NRXN3: variants seen among roughly 807,000 people sequenced by gnomAD.
NRXN3 encodes neurexin III.
A neutral mutation model predicts 137.6 loss-of-function variants in NRXN3; 32 were observed. The observed-to-expected ratio is 0.23, with a 90% CI of 0.18 to 0.31. NRXN3 has a LOEUF of 0.31. Ranked by LOEUF, NRXN3 falls within the 10% of genes least tolerant of loss-of-function variation. The probability of loss-of-function intolerance (pLI) is 1.00; values close to 1 mark genes in which losing one functional copy is unlikely to be tolerated. For missense variants in NRXN3, 1,574 were observed against 2,062.5 expected (o/e 0.76, Z 4.59); for synonymous variants, 798 against 784.5 (o/e 1.02, Z -0.29).
chr14:78,259,129 C>CT (rs2070227116), intron 2 of NRXN3, among the ~76,000 whole-genome samples: 1 of 125,008 alleles, frequency 8.0e-6, no homozygotes, highest in Admixed American at 8.9e-5. Flanking sequence ...GAGACTCCAT[C>CT]TCAAAAAAAA....
intron 15 of NRXN3, among the ~76,000 whole-genome samples, chr14:79,300,905 A>C (rs6574504): frequency 0.024 from 3,725 of 152,078 alleles, 97 homozygotes; most frequent in South Asian, 0.081. Flanking sequence ...TTGGGAAATA[A>C]AGACTTTGCC....
chr14:79,324,578 T>C (rs1016696603), intron 15 of NRXN3, among the ~76,000 whole-genome samples: 1 of 152,134 alleles, frequency 6.6e-6, no homozygotes, highest in African/African-American at 2.4e-5. Context: ...TGTTTAGAGA[T>C]GAATTAGGAG....
chr14:78,654,009 G>A (rs2097767184), intron 6 of NRXN3, among the ~76,000 whole-genome samples: 1 of 152,212 alleles, frequency 6.6e-6, no homozygotes, highest in Non-Finnish European at 1.5e-5. Context: ...TGTTTTCCCT[G>A]TACAGCGTGA....
chr14:79,853,942 A>G (rs1054087942), intron 20 of NRXN3: 1 of 987,402 alleles, frequency 1.0e-6, no homozygotes, highest in Non-Finnish European at 1.2e-6. Flanking sequence ...GCCCTCCCAA[A>G]CCCCCCAAAG....
chr14:79,743,169 G>C (rs1000450089), intron 19 of NRXN3, among the ~76,000 whole-genome samples: 3 of 152,024 alleles, frequency 2.0e-5, no homozygotes, highest in Non-Finnish European at 4.4e-5. Flanking sequence ...CTATAATAAA[G>C]GTATTTTAAA....
At chr14:79,449,990 CAAAAAAAA>C (rs66658022) in intron 15 of NRXN3, among the ~76,000 whole-genome samples, 5 of 40,770 alleles carry the variant, frequency 1.2e-4, no homozygotes, top group Non-Finnish European at 1.8e-4. Flanking sequence ...AACTCCATCT[CAAAAAAAA>C]AAAAAAAAAA....
intron 1 of NRXN3, among the ~76,000 whole-genome samples, chr14:78,187,263 GTGTTTT>G: frequency 1.7e-5 from 2 of 116,208 alleles, no homozygotes. Flanking sequence ...TGGTGTGTGT[GTGTTTT>G]TTTTTTTTTT....
intron 10 of NRXN3, among the ~76,000 whole-genome samples, chr14:78,840,643 A>G (rs542182762): frequency 5.9e-5 from 9 of 152,164 alleles, no homozygotes; most frequent in African/African-American, 1.4e-4. Flanking sequence ...ACTATCCAGA[A>G]TGTTGCTCGT....
intron 1 of NRXN3, among the ~76,000 whole-genome samples, chr14:78,207,411 C>A (rs1393197801): frequency 6.6e-6 from 1 of 152,164 alleles, no homozygotes; most frequent in African/African-American, 2.4e-5. Flanking sequence ...CCAGTTGATA[C>A]CTCTAGCCTT....
At chr14:79,076,591 A>G (rs1252276441) in intron 15 of NRXN3, among the ~76,000 whole-genome samples, 1 of 152,182 alleles carries the variant, frequency 6.6e-6, no homozygotes, top group Non-Finnish European at 1.5e-5. Context: ...GTTGGGGAGA[A>G]GGTGGAAGCC....
intron 6 of NRXN3, among the ~76,000 whole-genome samples, chr14:78,673,328 T>A (rs2097957394): frequency 6.6e-6 from 1 of 152,136 alleles, no homozygotes; most frequent in Non-Finnish European, 1.5e-5. Context: ...CTGTGTGGTG[T>A]TTTTGTGTTG....
intron 10 of NRXN3, among the ~76,000 whole-genome samples, chr14:78,934,061 G>GATTT (rs1245587594): frequency 6.8e-6 from 1 of 147,810 alleles, no homozygotes; most frequent in Non-Finnish European, 1.5e-5. Flanking sequence ...TGCTATCAAA[G>GATTT]ATTTACTGCT....
At chr14:79,238,308 C>T (rs1326440455) in intron 15 of NRXN3, among the ~76,000 whole-genome samples, 2 of 132,070 alleles carry the variant, frequency 1.5e-5, no homozygotes, top group Non-Finnish European at 3.4e-5. Flanking sequence ...AGTTACATGC[C>T]CACAATATTA....
intron 15 of NRXN3, among the ~76,000 whole-genome samples, chr14:79,057,377 T>C (rs2099667099): frequency 6.6e-6 from 1 of 152,218 alleles, no homozygotes; most frequent in Non-Finnish European, 1.5e-5. Context: ...GTGCTTTCTT[T>C]ATAATTAATG....
intron 10 of NRXN3, among the ~76,000 whole-genome samples, chr14:78,810,958 AG>A (rs1269101405): frequency 6.6e-6 from 1 of 152,200 alleles, no homozygotes; most frequent in Non-Finnish European, 1.5e-5. Flanking sequence ...TTCTTGAAGA[AG>A]GGTCCTAACA....
At chr14:78,617,346 T>A (rs1381651914) in intron 4 of NRXN3, among the ~76,000 whole-genome samples, 2 of 152,140 alleles carry the variant, frequency 1.3e-5, no homozygotes, top group Non-Finnish European at 1.5e-5. Context: ...AGATGACCCA[T>A]AGGGCTCTGT....
intron 15 of NRXN3, among the ~76,000 whole-genome samples, chr14:79,359,833 G>T (rs1212470458): frequency 6.6e-6 from 1 of 152,058 alleles, no homozygotes; most frequent in Non-Finnish European, 1.5e-5. Context: ...TTAAAAATTG[G>T]CAAGGACAGT....
At chr14:78,939,158 C>G (rs1241356063) in intron 10 of NRXN3, among the ~76,000 whole-genome samples, 1 of 152,072 alleles carries the variant, frequency 6.6e-6, no homozygotes, top group African/African-American at 2.4e-5. Flanking sequence ...AGTGATTTTT[C>G]TAAGGCAATA....
intron 19 of NRXN3, among the ~76,000 whole-genome samples, chr14:79,754,478 G>GGAAGAC (rs1271985137): frequency 8.7e-6 from 1 of 114,734 alleles, no homozygotes; most frequent in Admixed American, 1.0e-4. Flanking sequence ...GGATACAGAG[G>GGAAGAC]GAAGACTCAC....
Sources: allele counts gnomAD v4.1 joint callset (sites outside exome capture counted in the v4.1 genomes callset), GRCh38; gene constraint gnomAD v4.1.1; transcripts MANE v1.5; gene names NCBI Gene and HGNC (gene_info 2026-07-23, HGNC 2026-07-21).